ANKS1A: variants seen among roughly 807,000 people sequenced by gnomAD.
ANKS1A encodes the protein ankyrin repeat and SAM domain-containing protein 1A.
ANKS1A carries 55 observed loss-of-function variants against 120.3 expected under a neutral mutation model. That is an observed-to-expected ratio of 0.46 (90% CI 0.37 to 0.57). ANKS1A has a LOEUF of 0.57. Ranked by LOEUF, ANKS1A falls within the 20% of genes least tolerant of loss-of-function variation. ANKS1A has a pLI of 0.00. For synonymous variants in ANKS1A, 590 were observed against 604.7 expected (o/e 0.98, Z 0.36); for missense variants, 1,123 against 1,480.3 (o/e 0.76, Z 3.96).
intron 12 of ANKS1A, among the ~76,000 whole-genome samples, chr6:35,059,311 C>T (rs529726590): frequency 1.3e-5 from 2 of 152,350 alleles, no homozygotes; most frequent in East Asian, 1.9e-4. Context: ...CCGCGCAGCC[C>T]GGCGGAATGC....
At chr6:35,093,157 G>A (rs1778358319), downstream of ANKS1A, among the ~76,000 whole-genome samples, 2 of 152,074 alleles carry the variant, frequency 1.3e-5, no homozygotes, top group South Asian at 2.1e-4. Context: ...CAGCCTCTAC[G>A]ACTTTGAGAC....
intron 1 of ANKS1A, among the ~76,000 whole-genome samples, chr6:34,909,673 G>A (rs920753974): frequency 1.3e-5 from 2 of 152,204 alleles, no homozygotes; most frequent in East Asian, 3.8e-4. Context: ...TTCTGATGGG[G>A]GAGATAGAGA....
At chr6:34,975,972 T>C (rs1771554247) in intron 3 of ANKS1A, among the ~76,000 whole-genome samples, 1 of 151,434 alleles carries the variant, frequency 6.6e-6, no homozygotes, top group African/African-American at 2.4e-5. Flanking sequence ...ACCCCGTGAC[T>C]ACTAAAAATA....
rs568323559 is a variant in ANKS1A at position 34,909,667 on chromosome 6, G to A, written c.197+20068G>A. Among the ~76,000 whole-genome samples the A allele has an allele frequency of 2.7e-4, 41 of 152,334 alleles. No individual in the cohort carries two copies. The South Asian group carries it at 7.5e-3, about 28-fold the overall frequency. On this transcript the variant is annotated intron_variant, in intron 1 of 23. Coordinates refer to ENST00000360359, the MANE Select transcript of ANKS1A (RefSeq NM_015245.3). ...CTCAATCCCAGCTTTGTGATCTTCT[G>A]ATGGGGGAGATAGAGAATAGTGTGA...
intron 3 of ANKS1A, chr6:34,972,567 T>A (rs114463080): frequency 0.029 from 28,975 of 984,310 alleles, 477 homozygotes; most frequent in Middle Eastern, 0.04. Context: ...TTTCTTTTCC[T>A]CTCCTTTTTG....
chr6:35,079,919 C>T lies in ANKS1A; in HGVS notation c.2535C>T (p.Ser845=). 1.9e-6 allele frequency: 3 copies of T among 1,556,666 alleles called. No homozygotes were observed. The highest frequency in any genetic ancestry group is 2.4e-5 in the East Asian group (1 of 41,548). ...EEPPQKPPRF[S]QLRCQDLLSQ... Reference sequence around the variant, plus strand: ...CGCCCCAGAAGCCCCCCAGATTCTCCCAGCTGAGGGTGAGTCGGGGAGGGA... The same window carrying T: ...CGCCCCAGAAGCCCCCCAGATTCTCTCAGCTGAGGGTGAGTCGGGGAGGGA... The change falls in exon 16 of 24, where the codon TCC becomes TCT. Residue 845 remains serine, a synonymous_variant. Coordinates refer to ENST00000360359, the MANE Select transcript of ANKS1A (RefSeq NM_015245.3).
intron 11 of ANKS1A, among the ~76,000 whole-genome samples, chr6:35,029,540 G>A (rs1774795098): frequency 6.6e-6 from 1 of 151,076 alleles, no homozygotes; most frequent in Non-Finnish European, 1.5e-5. Flanking sequence ...GTAGAGACGA[G>A]GTTTCACCAT....
At chr6:35,045,064 G>T (rs1775653354) in intron 11 of ANKS1A, among the ~76,000 whole-genome samples, 2 of 152,218 alleles carry the variant, frequency 1.3e-5, no homozygotes, top group Non-Finnish European at 2.9e-5. Context: ...GACAGGCATT[G>T]CCTTTGGAGG....
At chr6:35,008,116 A>T (rs779230734) in intron 10 of ANKS1A, among the ~76,000 whole-genome samples, 8 of 152,230 alleles carry the variant, frequency 5.3e-5, no homozygotes, top group Non-Finnish European at 8.8e-5. Flanking sequence ...TTTCAAAATA[A>T]ATACCCAGGA....
chr6:35,020,095 G>A (rs1331922382), intron 11 of ANKS1A, among the ~76,000 whole-genome samples: 1 of 151,990 alleles, frequency 6.6e-6, no homozygotes, highest in Non-Finnish European at 1.5e-5. Context: ...TGAGAAATAA[G>A]AGTAGAAAGC....
At chr6:34,978,898 G>C (rs1379844542) in intron 3 of ANKS1A, among the ~76,000 whole-genome samples, 1 of 149,894 alleles carries the variant, frequency 6.7e-6, no homozygotes, top group Admixed American at 6.6e-5. Context: ...TAGTTTTTTT[G>C]TTTGTTTGTT....
At chr6:34,997,828 G>C (rs1390518962) in intron 10 of ANKS1A, among the ~76,000 whole-genome samples, 1 of 152,186 alleles carries the variant, frequency 6.6e-6, no homozygotes, top group East Asian at 1.9e-4. Context: ...TGCCTGAAAG[G>C]GATTTTGTAT....
chr6:34,957,766 C>T (rs1770444519), intron 1 of ANKS1A, among the ~76,000 whole-genome samples: 1 of 152,188 alleles, frequency 6.6e-6, no homozygotes, highest in Non-Finnish European at 1.5e-5. Context: ...GAGATGCACG[C>T]TGTTTTCTCT....
chr6:35,013,639 T>G (rs1052530449), intron 10 of ANKS1A, among the ~76,000 whole-genome samples: 2 of 152,188 alleles, frequency 1.3e-5, no homozygotes, highest in East Asian at 3.9e-4. Context: ...GGACAGACAC[T>G]TCATACATTT....
rs556195074 is a variant in ANKS1A at position 34,922,780 on chromosome 6, A to G, written c.197+33181A>G. On this transcript the variant is annotated intron_variant, in intron 1 of 23. Transcript: ENST00000360359. ...GCGATCTCAGCTCACTGCAATCTCC[A>G]CCTCCTGGGTTCAAGTGATTCCCCT... Among the ~76,000 whole-genome samples the G allele has an allele frequency of 3.9e-4, 55 of 142,032 alleles. 1 individual carries two copies. The highest frequency in any genetic ancestry group is 1.4e-3 in the African/African-American group (53 of 37,444). The allele number at this position is 142,032 out of a possible 152,430, so 93.2% of individuals were successfully genotyped here. A position where few individuals can be genotyped will look rare whatever the true frequency, so the allele number is the denominator to read the frequency against.
intron 1 of ANKS1A, among the ~76,000 whole-genome samples, chr6:34,890,177 C>T (rs190101661): frequency 0.015 from 2,263 of 152,074 alleles, 46 homozygotes; most frequent in African/African-American, 0.047. Flanking sequence ...CTGCAACCTC[C>T]GCCTCCCGGG....
chr6:34,936,911 C>T (rs904010061), intron 1 of ANKS1A, among the ~76,000 whole-genome samples: 8 of 152,140 alleles, frequency 5.3e-5, no homozygotes, highest in South Asian at 2.1e-4. Context: ...ACATTTGATC[C>T]GGTATCTACT....
At chr6:34,915,220 A>G (rs1437740969) in intron 1 of ANKS1A, among the ~76,000 whole-genome samples, 2 of 152,150 alleles carry the variant, frequency 1.3e-5, no homozygotes, top group Admixed American at 6.5e-5. Flanking sequence ...TTTTCTCACT[A>G]TGTCTCCTTG....
chr6:35,091,360 CAACTT>C lies in ANKS1A; in HGVS notation c.*2753_*2757del, dbSNP rs887978565. ...GTTTTGTTATTTTCATAACTGTACA[CAACTT>C]AGAACAGACTGAATTAATAAATGAG... On this transcript the variant is annotated 3_prime_UTR_variant, in exon 24 of 24. Transcript: ENST00000360359. The C allele has an allele frequency of 2.0e-5, 20 of 985,546 alleles. No homozygotes were observed. In the South Asian group the frequency reaches 6.1e-4, roughly 30 times the overall value. 61.1% of individuals were successfully genotyped at this position (985,546 alleles called of 1,614,324 possible).
Sources: allele counts gnomAD v4.1 joint callset (sites outside exome capture counted in the v4.1 genomes callset), GRCh38; gene constraint gnomAD v4.1.1; transcripts MANE v1.5; gene names NCBI Gene and HGNC (gene_info 2026-07-23, HGNC 2026-07-21).